The following RBFOX2 variants were observed in gnomAD, a reference collection of about 807,000 sequenced individuals.
The protein encoded by RBFOX2 is RNA binding protein fox-1 homolog 2.
RBFOX2 carries 10 observed loss-of-function variants against 49.1 expected under a neutral mutation model. The observed-to-expected ratio is 0.20, with a 90% CI of 0.13 to 0.35. The LOEUF (loss-of-function observed/expected upper bound fraction) is 0.35. Ranked by LOEUF, RBFOX2 falls within the 10% of genes least tolerant of loss-of-function variation. The pLI is 1.00. For synonymous variants in RBFOX2, 183 were observed against 187.4 expected (o/e 0.98, Z 0.19); for missense variants, 323 against 486.9 (o/e 0.66, Z 3.17).
chr22:35,739,533 T>C (rs1015183204), exon 12 of RBFOX2: 2 of 152,646 alleles, frequency 1.3e-5, no homozygotes, highest in Non-Finnish European at 2.9e-5. Context: ...ACAGCCAAAA[T>C]GAGCTGCCAA....
At chr22:35,930,975 A>C (rs2149678389) in intron 1 of RBFOX2, among the ~76,000 whole-genome samples, 1 of 152,358 alleles carries the variant, frequency 6.6e-6, no homozygotes, top group Admixed American at 6.5e-5. Context: ...AGAAGAAATA[A>C]AACAGTCTTT....
At chr22:36,011,226 T>A (rs2058809308) in intron 1 of RBFOX2, among the ~76,000 whole-genome samples, 1 of 152,176 alleles carries the variant, frequency 6.6e-6, no homozygotes, top group Admixed American at 6.6e-5. Context: ...GGCAGCTGAC[T>A]GGGGCACATG....
chr22:35,944,592 T>C (rs879816380), intron 1 of RBFOX2, among the ~76,000 whole-genome samples: 18 of 152,168 alleles, frequency 1.2e-4, no homozygotes, highest in Non-Finnish European at 2.4e-4. Flanking sequence ...TGTGATATAA[T>C]ATACTAGCCA....
intron 1 of RBFOX2, among the ~76,000 whole-genome samples, chr22:36,003,748 A>G (rs776689244): frequency 6.6e-6 from 1 of 152,280 alleles, no homozygotes; most frequent in Non-Finnish European, 1.5e-5. Context: ...ACTATCTAGC[A>G]TGGTGCCTTG....
intron 1 of RBFOX2, among the ~76,000 whole-genome samples, chr22:35,878,752 T>C (rs1038383038): frequency 4.6e-5 from 7 of 151,932 alleles, no homozygotes; most frequent in African/African-American, 1.5e-4. Flanking sequence ...TGTTTTTTTA[T>C]TTTTTATTTA....
chr22:35,935,499 C>T (rs1009813471), intron 1 of RBFOX2, among the ~76,000 whole-genome samples: 1 of 152,076 alleles, frequency 6.6e-6, no homozygotes, highest in Non-Finnish European at 1.5e-5. Flanking sequence ...GTGTTTAACT[C>T]CAATGTGCTA....
intron 3 of RBFOX2, 78 bp from the exon 5 acceptor site, chr22:35,778,156 T>A: frequency 1.7e-6 from 2 of 1,195,286 alleles, no homozygotes; most frequent in Non-Finnish European, 2.4e-6. Flanking sequence ...GAAATGGGAA[T>A]AGTTTATTTT....
intron 1 of RBFOX2, among the ~76,000 whole-genome samples, chr22:35,884,000 C>T (rs867789328): frequency 2.2e-4 from 14 of 62,698 alleles, no homozygotes; most frequent in African/African-American, 7.0e-4. Context: ...GTAGTTATCT[C>T]TTTTTTTTTT....
chr22:35,917,401 A>G (rs1394908551), intron 1 of RBFOX2, among the ~76,000 whole-genome samples: 1 of 152,152 alleles, frequency 6.6e-6, no homozygotes, highest in Non-Finnish European at 1.5e-5. Context: ...CTGGAATTCT[A>G]TACACTAAGA....
At chr22:35,909,143 A>G (rs573474103) in intron 1 of RBFOX2, among the ~76,000 whole-genome samples, 87 of 152,246 alleles carry the variant, frequency 5.7e-4, no homozygotes, top group Non-Finnish European at 1.2e-3. Context: ...CGCCCAGCAC[A>G]TCTCGCTATC....
At chr22:35,956,678 A>C (rs2149898742) in intron 1 of RBFOX2, among the ~76,000 whole-genome samples, 1 of 152,206 alleles carries the variant, frequency 6.6e-6, no homozygotes, top group South Asian at 2.1e-4. Context: ...ATTTTTAATA[A>C]AACGTCCGAA....
intron 1 of RBFOX2, among the ~76,000 whole-genome samples, chr22:35,860,881 T>G (rs2043023608): frequency 6.6e-6 from 1 of 152,216 alleles, no homozygotes. Flanking sequence ...TATGACTATC[T>G]TTTCTCTAGG....
intron 2 of RBFOX2, among the ~76,000 whole-genome samples, chr22:35,806,100 C>G (rs916792490): frequency 2.6e-5 from 4 of 151,980 alleles, no homozygotes; most frequent in Non-Finnish European, 4.4e-5. Context: ...GAACGTACAC[C>G]AGTAAGAGTA....
chr22:35,899,122 AATAAC>A (rs59505989), intron 1 of RBFOX2, among the ~76,000 whole-genome samples: 12,197 of 139,232 alleles, frequency 0.088, 532 homozygotes, highest in Non-Finnish European at 0.11. Flanking sequence ...CTGTCTCAAA[AATAAC>A]ATAACATAAC....
At position 35,989,339 on chromosome 22, in the gene RBFOX2, T is replaced by G. The variant is rs572715494; in HGVS notation, c.186+38901A>C. Among the ~76,000 whole-genome samples, 3 of 152,244 alleles carry G rather than the reference T, an allele frequency of 2.0e-5. No homozygotes were observed. In the South Asian group the frequency reaches 6.2e-4, roughly 31 times the overall value. On this transcript the variant is annotated intron_variant, in intron 1 of 13. Transcript: ENST00000438146. The stretch of plus-strand genomic sequence containing the variant: ...TGAGGAAGGGATAACAAAAATGCAC[T>G]GGCAGACAGAGGGAGAAATTCTAAA...
At position 35,756,157 on chromosome 22, in the gene RBFOX2, C is replaced by T; in HGVS notation, c.887+3731G>A. 6.7e-7 allele frequency: 1 copy of T among 1,490,774 alleles called. No homozygotes were observed. The allele number at this position is 1,490,774 out of a possible 1,614,324, so 92.3% of individuals were successfully genotyped here. On this transcript the variant is annotated intron_variant, in intron 9 of 11. Transcript: ENST00000405409. ...CTGGTAAACCACACTGCAGAAAATCCACACAAAAACAAAAACAAAAAAAAC... is the reference window on the plus strand; with the variant it reads ...CTGGTAAACCACACTGCAGAAAATCTACACAAAAACAAAAACAAAAAAAAC...
intron 1 of RBFOX2, among the ~76,000 whole-genome samples, chr22:35,859,608 T>C (rs1314352983): frequency 1.3e-5 from 2 of 152,240 alleles, no homozygotes; most frequent in African/African-American, 4.8e-5. Flanking sequence ...ATGGAATGGC[T>C]GATATGCATT....
At chr22:35,786,448 A>G (rs1946408361) in intron 2 of RBFOX2, among the ~76,000 whole-genome samples, 1 of 152,262 alleles carries the variant, frequency 6.6e-6, no homozygotes, top group African/African-American at 2.4e-5. Context: ...TACATAAATT[A>G]TAAGCATAGA....
chr22:35,774,095 C>T (rs1029734089), intron 4 of RBFOX2, among the ~76,000 whole-genome samples: 1 of 151,896 alleles, frequency 6.6e-6, no homozygotes, highest in Non-Finnish European at 1.5e-5. Flanking sequence ...ATCATGTTTT[C>T]CTTTTCAAAG....
Sources: allele counts gnomAD v4.1 joint callset (sites outside exome capture counted in the v4.1 genomes callset), GRCh38; gene constraint gnomAD v4.1.1; transcripts MANE v1.5; gene names NCBI Gene and HGNC (gene_info 2026-07-23, HGNC 2026-07-21).